ELAVL2: variants seen among roughly 807,000 people sequenced by gnomAD.
ELAVL2 encodes the protein ELAV-like protein 2.
Under a neutral mutation model 34.6 loss-of-function variants are expected in ELAVL2, and 4 were observed. The observed-to-expected ratio is 0.12, with a 90% CI of 0.06 to 0.26. ELAVL2 has a LOEUF of 0.26. Ranked by LOEUF, ELAVL2 falls within the 10% of genes least tolerant of loss-of-function variation. The pLI is 1.00. For missense variants in ELAVL2, 432 were observed against 442.8 expected (o/e 0.98, Z 0.22); for synonymous variants, 193 against 154.8 (o/e 1.25, Z -1.83).
intron 1 of ELAVL2, among the ~76,000 whole-genome samples, chr9:23,793,959 A>T (rs547007637): frequency 3.3e-5 from 5 of 152,192 alleles, no homozygotes; most frequent in Admixed American, 3.3e-4. Flanking sequence ...AGCATGCACT[A>T]TATCATACAG....
At chr9:23,752,477 T>C (rs1351987014) in intron 2 of ELAVL2, among the ~76,000 whole-genome samples, 1 of 151,960 alleles carries the variant, frequency 6.6e-6, no homozygotes, top group African/African-American at 2.4e-5. Context: ...TTTTGTTTTT[T>C]TTTTTTGAGA....
intron 2 of ELAVL2, among the ~76,000 whole-genome samples, chr9:23,760,898 A>C (rs185341449): frequency 1.3e-5 from 2 of 152,042 alleles, no homozygotes; most frequent in African/African-American, 2.4e-5. Context: ...TCTTGGAGAG[A>C]ATGAGCCCTA....
At position 23,691,393 on chromosome 9, in the gene ELAVL2, T is replaced by G. The variant is rs979555484; in HGVS notation, c.*1164A>C. 6.6e-6 allele frequency: 1 copy of G among 152,620 alleles called. No homozygotes were observed. The highest frequency in any genetic ancestry group is 2.4e-5 in the African/African-American group (1 of 41,468). 9.5% of individuals were successfully genotyped at this position (152,620 alleles called of 1,614,324 possible). A position where few individuals can be genotyped will look rare whatever the true frequency, so the allele number is the denominator to read the frequency against. Reference sequence around the variant, plus strand: ...ACTCAGATCACTTTTGCTGATTTGCTGCAGTACAAATCATGTGCAACGTCT... The same window carrying G: ...ACTCAGATCACTTTTGCTGATTTGCGGCAGTACAAATCATGTGCAACGTCT... On this transcript the variant is annotated 3_prime_UTR_variant, in exon 7 of 7. Coordinates refer to ENST00000397312, the MANE Select transcript of ELAVL2 (RefSeq NM_004432.5).
intron 2 of ELAVL2, among the ~76,000 whole-genome samples, chr9:23,732,227 G>A (rs12348228): frequency 0.011 from 1,606 of 152,264 alleles, 25 homozygotes; most frequent in African/African-American, 0.036. Flanking sequence ...CACCGTAGGT[G>A]CAAGTGGTTA....
At chr9:23,703,711 T>C (rs1283605194) in intron 4 of ELAVL2, among the ~76,000 whole-genome samples, 2 of 152,116 alleles carry the variant, frequency 1.3e-5, no homozygotes, top group Non-Finnish European at 2.9e-5. Context: ...GACATTGTAA[T>C]ATACAACATG....
At chr9:23,697,240 A>T (rs1685062960) in intron 5 of ELAVL2, among the ~76,000 whole-genome samples, 1 of 152,240 alleles carries the variant, frequency 6.6e-6, no homozygotes, top group Non-Finnish European at 1.5e-5. Context: ...AAAGAATGGT[A>T]CCAGTAAGGG....
intron 1 of ELAVL2, among the ~76,000 whole-genome samples, chr9:23,809,420 G>T (rs1485933593): frequency 1.3e-5 from 2 of 152,104 alleles, no homozygotes; most frequent in South Asian, 2.1e-4. Context: ...GGGGGACATA[G>T]AATCAGGACA....
At chr9:23,785,173 C>G (rs2059534895) in intron 1 of ELAVL2, among the ~76,000 whole-genome samples, 1 of 152,136 alleles carries the variant, frequency 6.6e-6, no homozygotes, top group Non-Finnish European at 1.5e-5. Context: ...GTACATATAT[C>G]AAGGAACAAC....
chr9:23,708,877 A>G (rs2040148861), intron 3 of ELAVL2, among the ~76,000 whole-genome samples: 1 of 152,090 alleles, frequency 6.6e-6, no homozygotes, highest in African/African-American at 2.4e-5. Context: ...ACCTCAGGTG[A>G]TCAGCCCACC....
chr9:23,692,507 G>A lies in ELAVL2; in HGVS notation c.*50C>T. 1 of 1,536,648 alleles carries A rather than the reference G, an allele frequency of 6.5e-7. No homozygotes were observed. The highest frequency in any genetic ancestry group is 8.8e-7 in the Non-Finnish European group (1 of 1,139,792). On this transcript the variant is annotated 3_prime_UTR_variant, in exon 7 of 7. Coordinates refer to ENST00000397312, the MANE Select transcript of ELAVL2 (RefSeq NM_004432.5). ...TAATGTATAAAGTTTCTCTTAACTT[G>A]CCTTTGTTGTATAGTTTTCATATAT...
intron 2 of ELAVL2, among the ~76,000 whole-genome samples, chr9:23,753,105 A>G (rs898361756): frequency 1.3e-5 from 2 of 152,210 alleles, no homozygotes; most frequent in Non-Finnish European, 2.9e-5. Flanking sequence ...CTTAAGGACT[A>G]AAACATGCTA....
chr9:23,771,293 A>G (rs2057263189), intron 1 of ELAVL2, among the ~76,000 whole-genome samples: 1 of 152,198 alleles, frequency 6.6e-6, no homozygotes, highest in Non-Finnish European at 1.5e-5. Flanking sequence ...ACTGGTTTAG[A>G]TACTAACTGC....
At chr9:23,837,836 G>A in the ELAVL2 span, among the ~76,000 whole-genome samples, 21 of 152,076 alleles carry the variant, frequency 1.4e-4, no homozygotes, top group Admixed American at 2.0e-4. Context: ...ATACCTTGCC[G>A]TGCTCTCTAC....
intron 1 of ELAVL2, among the ~76,000 whole-genome samples, chr9:23,814,809 G>C (rs752595906): frequency 6.6e-6 from 1 of 152,082 alleles, no homozygotes; most frequent in Non-Finnish European, 1.5e-5. Flanking sequence ...AGTATAACAA[G>C]AAATTCTTAC....
chr9:23,730,183 G>A (rs145986256), intron 3 of ELAVL2, among the ~76,000 whole-genome samples: 3 of 152,100 alleles, frequency 2.0e-5, no homozygotes, highest in Non-Finnish European at 4.4e-5. Flanking sequence ...TGCTAGAGGC[G>A]ACATCCCTCT....
At chr9:23,757,822 T>C (rs2053941494) in intron 2 of ELAVL2, among the ~76,000 whole-genome samples, 2 of 152,118 alleles carry the variant, frequency 1.3e-5, no homozygotes, top group South Asian at 4.1e-4. Context: ...TTTCTTAATG[T>C]ACTTCCCTAA....
At chr9:23,768,406 G>A (rs892822592) in intron 1 of ELAVL2, among the ~76,000 whole-genome samples, 2 of 150,258 alleles carry the variant, frequency 1.3e-5, no homozygotes, top group Admixed American at 6.6e-5. Context: ...GAGACTGAAA[G>A]AGCAAATCCC....
intron 1 of ELAVL2, among the ~76,000 whole-genome samples, chr9:23,775,692 G>A (rs188644306): frequency 4.6e-5 from 7 of 152,182 alleles, no homozygotes; most frequent in Admixed American, 3.3e-4. Context: ...TGACTTGACC[G>A]AGCTCCTACC....
At chr9:23,757,291 C>G (rs887004217) in intron 2 of ELAVL2, among the ~76,000 whole-genome samples, 3 of 152,112 alleles carry the variant, frequency 2.0e-5, no homozygotes, top group Non-Finnish European at 4.4e-5. Context: ...ATAAATTCAT[C>G]AGTTGGCCAT....
Sources: allele counts gnomAD v4.1 joint callset (sites outside exome capture counted in the v4.1 genomes callset), GRCh38; gene constraint gnomAD v4.1.1; transcripts MANE v1.5; gene names NCBI Gene and HGNC (gene_info 2026-07-23, HGNC 2026-07-21).